Variants in AIM2 observed in about 807,000 individuals in gnomAD.
AIM2 encodes interferon-inducible protein AIM2.
AIM2 carries 30 observed loss-of-function variants against 27.7 expected under a neutral mutation model. The observed-to-expected ratio is 1.08, with a 90% CI of 0.81 to 1.47. The LOEUF (loss-of-function observed/expected upper bound fraction) is 1.47. Ranked by LOEUF, AIM2 falls within the 40% of genes most tolerant of loss-of-function variation. The pLI is 0.00. For synonymous variants in AIM2, 141 were observed against 145.3 expected (o/e 0.97, Z 0.21); for missense variants, 358 against 411.3 (o/e 0.87, Z 1.12).
chr1:159,071,420 G>A (rs944177688), intron 2 of AIM2, among the ~76,000 whole-genome samples: 2 of 152,196 alleles, frequency 1.3e-5, no homozygotes, highest in African/African-American at 2.4e-5. Context: ...ATTCAAAAGC[G>A]GCCTAAGTAT....
intron 1 of AIM2, among the ~76,000 whole-genome samples, chr1:159,125,894 C>T (rs1362837549): frequency 6.6e-6 from 1 of 152,046 alleles, no homozygotes; most frequent in Non-Finnish European, 1.5e-5. Flanking sequence ...CCTTTGTGGA[C>T]AAGAGATTAG....
At chr1:159,111,870 CT>C (rs1366211924) in intron 1 of AIM2, among the ~76,000 whole-genome samples, 2 of 149,536 alleles carry the variant, frequency 1.3e-5, no homozygotes, top group Non-Finnish European at 3.0e-5. Flanking sequence ...ATCTATCTAT[CT>C]ATCTATCTAT....
chr1:159,135,149 A>G (rs917147574), intron 1 of AIM2, among the ~76,000 whole-genome samples: 1 of 152,330 alleles, frequency 6.6e-6, no homozygotes, highest in East Asian at 1.9e-4. Flanking sequence ...AGTTCTTAGC[A>G]CACAGCAGGT....
intron 1 of AIM2, among the ~76,000 whole-genome samples, chr1:159,100,550 A>G (rs1027984871): frequency 6.6e-6 from 1 of 152,240 alleles, no homozygotes; most frequent in Non-Finnish European, 1.5e-5. Context: ...GGAGGCAGGA[A>G]TAAGTAGAGA....
At chr1:159,119,479 T>A (rs1647471725) in intron 1 of AIM2, among the ~76,000 whole-genome samples, 1 of 152,102 alleles carries the variant, frequency 6.6e-6, no homozygotes, top group African/African-American at 2.4e-5. Context: ...GCTCATATTG[T>A]CCCAAACTCA....
upstream of AIM2, among the ~76,000 whole-genome samples, chr1:159,143,294 C>A (rs144139960): frequency 6.6e-6 from 1 of 152,136 alleles, no homozygotes; most frequent in South Asian, 2.1e-4. Flanking sequence ...AAAGCAGCTA[C>A]TCCAACCAGG....
rs1359452419 is a variant in AIM2, at chr1:159,087,433, G to A, written c.-15-21104C>T. Among the ~76,000 whole-genome samples the A allele has an allele frequency of 2.6e-5, 4 of 152,056 alleles. No homozygotes were observed. The South Asian group carries it at 6.2e-4, about 24-fold the overall frequency. On this transcript the variant is annotated intron_variant, in intron 1 of 2. Coordinates refer to the AIM2 transcript ENST00000368129. ...TGGAAGTATACCTGAAGACAAGGAT[G>A]GGGGGATCAGGAGGACGATTCTGGT...
At chr1:159,145,346 T>C (rs1278801571), upstream of AIM2, among the ~76,000 whole-genome samples, 2 of 152,174 alleles carry the variant, frequency 1.3e-5, no homozygotes, top group Non-Finnish European at 2.9e-5. Flanking sequence ...ATGCATTTTC[T>C]GACCCATCAT....
chr1:159,076,841 G>C (rs775635946), upstream of AIM2: 1 of 152,286 alleles, frequency 6.6e-6, no homozygotes, highest in African/African-American at 2.4e-5. Flanking sequence ...GTGACAACTG[G>C]AGCTCTAATT....
chr1:159,100,956 G>T (rs1324742670), intron 1 of AIM2, among the ~76,000 whole-genome samples: 1 of 152,184 alleles, frequency 6.6e-6, no homozygotes, highest in African/African-American at 2.4e-5. Flanking sequence ...TGTCCCCCAG[G>T]CTGAAGTGTA....
intron 1 of AIM2, among the ~76,000 whole-genome samples, chr1:159,135,074 A>G: frequency 6.6e-6 from 1 of 152,062 alleles, no homozygotes; most frequent in East Asian, 1.9e-4. Flanking sequence ...TTCATTTACC[A>G]TTGCAGCTTT....
At chr1:159,138,811 A>G (rs1648058034) in intron 1 of AIM2, among the ~76,000 whole-genome samples, 1 of 152,232 alleles carries the variant, frequency 6.6e-6, no homozygotes. Flanking sequence ...CACTGAGAAT[A>G]CAATAATAAA....
upstream of AIM2, among the ~76,000 whole-genome samples, chr1:159,140,995 T>A (rs1648101540): frequency 6.6e-6 from 1 of 152,174 alleles, no homozygotes; most frequent in Non-Finnish European, 1.5e-5. Context: ...AATTAGTGTG[T>A]TGCTCTGTGG....
intron 1 of AIM2, among the ~76,000 whole-genome samples, chr1:159,099,360 C>T (rs558718721): frequency 3.0e-4 from 46 of 152,138 alleles, no homozygotes; most frequent in Non-Finnish European, 5.3e-4. Context: ...TTCCAGGGAG[C>T]GGCCATAGAA....
intron 1 of AIM2, among the ~76,000 whole-genome samples, chr1:159,087,589 TTGA>T (rs1656947277): frequency 6.6e-6 from 1 of 150,920 alleles, no homozygotes; most frequent in Admixed American, 6.6e-5. Context: ...TTTTTTTTTT[TTGA>T]GATGGAGTCT....
chr1:159,139,952 G>A (rs914923741), intron 1 of AIM2, among the ~76,000 whole-genome samples: 1 of 152,190 alleles, frequency 6.6e-6, no homozygotes, highest in Non-Finnish European at 1.5e-5. Context: ...CCATTACCAT[G>A]CTATGATGGA....
intron 1 of AIM2, among the ~76,000 whole-genome samples, chr1:159,108,725 A>T (rs1449932776): frequency 2.6e-5 from 4 of 152,346 alleles, no homozygotes; most frequent in African/African-American, 7.2e-5. Flanking sequence ...TACACAAATC[A>T]GTAGCTTTTC....
chr1:159,111,205 T>C (rs1657565558), intron 1 of AIM2, among the ~76,000 whole-genome samples: 1 of 152,192 alleles, frequency 6.6e-6, no homozygotes, highest in South Asian at 2.1e-4. Context: ...AGACTAATGG[T>C]TATTCTAACA....
chr1:159,121,355 T>C (rs1647529420), intron 1 of AIM2, among the ~76,000 whole-genome samples: 1 of 152,200 alleles, frequency 6.6e-6, no homozygotes, highest in Non-Finnish European at 1.5e-5. Flanking sequence ...ACTGTGACAA[T>C]TGTTTTAGGT....
Sources: allele counts gnomAD v4.1 joint callset (sites outside exome capture counted in the v4.1 genomes callset), GRCh38; gene constraint gnomAD v4.1.1; transcripts MANE v1.5; gene names NCBI Gene and HGNC (gene_info 2026-07-23, HGNC 2026-07-21).